The following CADM2 variants were observed in gnomAD, a reference collection of about 807,000 sequenced individuals.
CADM2 encodes the protein cell adhesion molecule 2.
A neutral mutation model predicts 49.8 loss-of-function variants in CADM2; 12 were observed. The observed-to-expected ratio is 0.24, with a 90% CI of 0.15 to 0.39. The LOEUF (loss-of-function observed/expected upper bound fraction) is 0.39. CADM2 is among the 10% of genes least tolerant of loss of function. CADM2 has a pLI of 1.00. For missense variants in CADM2, 378 were observed against 492.3 expected (o/e 0.77, Z 2.20); for synonymous variants, 214 against 175.4 (o/e 1.22, Z -1.74).
intron 7 of CADM2, among the ~76,000 whole-genome samples, chr3:85,949,099 C>T (rs1163584904): frequency 6.6e-6 from 1 of 151,396 alleles, no homozygotes; most frequent in Non-Finnish European, 1.5e-5. Context: ...GACAAGAAAA[C>T]TCCTAGGATA....
chr3:85,446,169 C>T (rs1443615763), intron 1 of CADM2, among the ~76,000 whole-genome samples: 7 of 152,160 alleles, frequency 4.6e-5, no homozygotes, highest in Admixed American at 4.6e-4. Context: ...TGACTCATCA[C>T]TGTTTTTATT....
At chr3:86,061,825 T>C (rs1008246382) in intron 8 of CADM2, among the ~76,000 whole-genome samples, 1 of 152,208 alleles carries the variant, frequency 6.6e-6, no homozygotes, top group Non-Finnish European at 1.5e-5. Flanking sequence ...TTAAAATAGC[T>C]GAAAATATTT....
chr3:85,119,490 G>A (rs1369316816), intron 1 of CADM2, among the ~76,000 whole-genome samples: 1 of 152,016 alleles, frequency 6.6e-6, no homozygotes, highest in African/African-American at 2.4e-5. Flanking sequence ...GCTCCTTTTT[G>A]GTTCCATATG....
At chr3:85,628,433 T>G (rs1004412616) in intron 1 of CADM2, among the ~76,000 whole-genome samples, 1 of 151,294 alleles carries the variant, frequency 6.6e-6, no homozygotes, top group Non-Finnish European at 1.5e-5. Context: ...CTGCTCCAGG[T>G]TTTATTTACA....
At chr3:85,042,150 C>A (rs1312000589) in intron 1 of CADM2, among the ~76,000 whole-genome samples, 1 of 152,128 alleles carries the variant, frequency 6.6e-6, no homozygotes, top group Non-Finnish European at 1.5e-5. Context: ...CCACTCTCAT[C>A]AATGCATACT....
chr3:85,834,881 A>C (rs1195407659), intron 3 of CADM2, among the ~76,000 whole-genome samples: 1 of 151,650 alleles, frequency 6.6e-6, no homozygotes, highest in Admixed American at 6.6e-5. Flanking sequence ...GGCCTAGAGA[A>C]GTTAATTGTT....
chr3:85,278,238 C>G (rs1342096930), intron 1 of CADM2, among the ~76,000 whole-genome samples: 1 of 151,340 alleles, frequency 6.6e-6, no homozygotes, highest in Non-Finnish European at 1.5e-5. Context: ...AACAGTTCCA[C>G]TCACAAATTC....
At chr3:85,601,158 A>AGGG (rs2063388340) in intron 1 of CADM2, among the ~76,000 whole-genome samples, 1 of 119,234 alleles carries the variant, frequency 8.4e-6, no homozygotes, top group Non-Finnish European at 1.6e-5. Context: ...ATATATATAT[A>AGGG]TATATATATA....
chr3:85,851,609 A>T (rs1039433977), intron 3 of CADM2, among the ~76,000 whole-genome samples: 2 of 150,046 alleles, frequency 1.3e-5, no homozygotes, highest in Non-Finnish European at 3.0e-5. Context: ...ATTTACTGAA[A>T]TCAGTTTTCT....
At chr3:85,655,613 A>G (rs1577026690) in intron 1 of CADM2, among the ~76,000 whole-genome samples, 1 of 152,224 alleles carries the variant, frequency 6.6e-6, no homozygotes, top group Admixed American at 6.5e-5. Flanking sequence ...CACCACGTAG[A>G]GTGAGAATTC....
chr3:85,087,688 T>C (rs1292641150), intron 1 of CADM2, among the ~76,000 whole-genome samples: 1 of 152,230 alleles, frequency 6.6e-6, no homozygotes, highest in East Asian at 1.9e-4. Context: ...ATTATGATAT[T>C]TGAAAGTTTT....
chr3:85,086,509 CTT>C (rs61269529), intron 1 of CADM2, among the ~76,000 whole-genome samples: 1,088 of 102,288 alleles, frequency 0.011, 6 homozygotes, highest in African/African-American at 0.033. Flanking sequence ...CAAGAATAAA[CTT>C]TTTTTTTTTT....
intron 3 of CADM2, among the ~76,000 whole-genome samples, chr3:85,848,824 CATGTCAGGCA>C (rs1177677656): frequency 6.6e-6 from 1 of 152,098 alleles, no homozygotes; most frequent in African/African-American, 2.4e-5. Flanking sequence ...TTACTGACTA[CATGTCAGGCA>C]CTGGTCTACT....
chr3:85,856,881 G>C (rs2108309461), intron 3 of CADM2, among the ~76,000 whole-genome samples: 1 of 152,276 alleles, frequency 6.6e-6, no homozygotes, highest in East Asian at 1.9e-4. Flanking sequence ...TGTCGGGGTA[G>C]GATGGGCAAA....
At chr3:85,786,250 G>T (rs772968698) in intron 2 of CADM2, among the ~76,000 whole-genome samples, 6 of 152,136 alleles carry the variant, frequency 3.9e-5, no homozygotes, top group Non-Finnish European at 8.8e-5. Context: ...GATTAAAAAT[G>T]TAGTAATCCC....
chr3:85,312,379 A>G (rs2044366039), intron 1 of CADM2, among the ~76,000 whole-genome samples: 1 of 152,156 alleles, frequency 6.6e-6, no homozygotes, highest in Admixed American at 6.5e-5. Flanking sequence ...TGTTGCATCA[A>G]TATGTGGTCC....
At chr3:85,554,719 A>T (rs1005368365) in intron 1 of CADM2, among the ~76,000 whole-genome samples, 1 of 151,852 alleles carries the variant, frequency 6.6e-6, no homozygotes, top group African/African-American at 2.4e-5. Flanking sequence ...TTTTTGTGAC[A>T]AATTCTTGCT....
intron 1 of CADM2, among the ~76,000 whole-genome samples, chr3:85,674,504 C>T (rs1473993920): frequency 6.6e-6 from 1 of 152,074 alleles, no homozygotes; most frequent in East Asian, 1.9e-4. Context: ...TGAAAAATTG[C>T]TATGAAAATG....
chr3:85,156,662 T>A (rs1343445444), intron 1 of CADM2, among the ~76,000 whole-genome samples: 2 of 152,080 alleles, frequency 1.3e-5, no homozygotes, highest in African/African-American at 2.4e-5. Flanking sequence ...AAACTCTCAA[T>A]AAAATAGGTA....
Sources: allele counts gnomAD v4.1 joint callset (sites outside exome capture counted in the v4.1 genomes callset), GRCh38; gene constraint gnomAD v4.1.1; transcripts MANE v1.5; gene names NCBI Gene and HGNC (gene_info 2026-07-23, HGNC 2026-07-21).